The following ADGRE2 variants were observed in gnomAD, a reference collection of about 807,000 sequenced individuals.
ADGRE2 encodes CD97 antigen.
Under a neutral mutation model 100.8 loss-of-function variants are expected in ADGRE2, and 83 were observed. That is an observed-to-expected ratio of 0.82 (90% CI 0.69 to 0.99). The LOEUF (loss-of-function observed/expected upper bound fraction) is 0.99. ADGRE2 is among the 50% of genes least tolerant of loss of function. The pLI is 0.00. For missense variants in ADGRE2, 814 were observed against 1,035.7 expected (o/e 0.79, Z 2.94); for synonymous variants, 355 against 413.0 (o/e 0.86, Z 1.70).
At chr19:14,766,874 G>T (rs922268487) in intron 6 of ADGRE2, 104 bp downstream of exon 6, 1 of 1,337,788 alleles carries the variant, frequency 7.5e-7, no homozygotes, top group Non-Finnish European at 1.0e-6. Flanking sequence ...GACCTTGTGG[G>T]AACCTGCGGA....
intron 14 of ADGRE2, among the ~76,000 whole-genome samples, chr19:14,753,922 G>A (rs1353104336): frequency 6.6e-6 from 1 of 152,192 alleles, no homozygotes; most frequent in Non-Finnish European, 1.5e-5. Flanking sequence ...AACTTGATTG[G>A]ATTGAAGGAT....
chr19:14,731,385 T>C (rs918241364), downstream of ADGRE2: 2 of 598,656 alleles, frequency 3.3e-6, no homozygotes, highest in African/African-American at 3.7e-5. Flanking sequence ...TCCGGGAGCT[T>C]AGTCACATAC....
At chr19:14,743,380 G>T (rs758293688) in intron 20 of ADGRE2, 40 bp downstream of exon 20, 2 of 1,533,076 alleles carry the variant, frequency 1.3e-6, no homozygotes, top group Non-Finnish European at 1.8e-6. Flanking sequence ...CCTCAGGTGG[G>T]TCGGTTAGTG....
intron 2 of ADGRE2, among the ~76,000 whole-genome samples, chr19:14,776,010 C>T (rs2044424163): frequency 6.6e-6 from 1 of 152,096 alleles, no homozygotes. Context: ...ATATTTCACC[C>T]CGGGCGCCCC....
At chr19:14,769,666 G>A (rs1181335907) in intron 5 of ADGRE2, among the ~76,000 whole-genome samples, 3 of 152,046 alleles carry the variant, frequency 2.0e-5, no homozygotes, top group Non-Finnish European at 2.9e-5. Flanking sequence ...CTCAGTGTTG[G>A]CCTCTTTTCT....
intron 18 of ADGRE2, among the ~76,000 whole-genome samples, chr19:14,744,873 A>G (rs1040130083): frequency 5.3e-5 from 8 of 151,174 alleles, no homozygotes; most frequent in Admixed American, 2.6e-4. Flanking sequence ...GGGAACAGGC[A>G]AGAAAATGTA....
intron 18 of ADGRE2, among the ~76,000 whole-genome samples, chr19:14,744,381 A>G (rs1174654617): frequency 1.3e-5 from 2 of 152,276 alleles, no homozygotes; most frequent in Non-Finnish European, 2.9e-5. Context: ...AATCTAGAAG[A>G]AAGTTCATTA....
At chr19:14,756,946 T>C (rs2043521566) in intron 11 of ADGRE2, among the ~76,000 whole-genome samples, 1 of 151,920 alleles carries the variant, frequency 6.6e-6, no homozygotes, top group South Asian at 2.1e-4. Context: ...TTCTCACCTG[T>C]TGGTCAGGCT....
chr19:14,777,871 C>T lies in ADGRE2; in HGVS notation c.-172+386G>A, dbSNP rs566769561. 3.9e-5 allele frequency among the ~76,000 whole-genome samples: 6 copies of T among 152,304 alleles called. No individual in the cohort carries two copies. The South Asian group carries it at 1.2e-3, about 32-fold the overall frequency. On this transcript the variant is annotated intron_variant, in intron 1 of 20. Coordinates refer to ENST00000315576, the MANE Select transcript of ADGRE2 (RefSeq NM_013447.4). Reference sequence around the variant, plus strand: ...AGTATTCCCTGGTGTATATGTGCCACACTTTCTTAATCCAGTCTATCATTG... The same window carrying T: ...AGTATTCCCTGGTGTATATGTGCCATACTTTCTTAATCCAGTCTATCATTG...
chr19:14,733,547 G>A lies in ADGRE2; in HGVS notation c.*2689C>T, dbSNP rs1434818144. 6.6e-6 allele frequency: 1 copy of A among 151,918 alleles called. No individual in the cohort carries two copies. Among genetic ancestry groups the A allele is most frequent in the Non-Finnish European group, 1.5e-5 (1 of 67,988 alleles). 9.4% of individuals were successfully genotyped at this position (151,918 alleles called of 1,614,324 possible). A position where few individuals can be genotyped will look rare whatever the true frequency, so the allele number is the denominator to read the frequency against. ...GGTATGCCTACAGCTGCAGAAAAAT[G>A]TATAAAAGCAAACACACCACTCTCC... is the stretch of plus-strand genomic sequence containing the variant. On this transcript the variant is annotated 3_prime_UTR_variant, in exon 21 of 21. Coordinates refer to ENST00000315576, the MANE Select transcript of ADGRE2 (RefSeq NM_013447.4).
At chr19:14,731,526 C>A, downstream of ADGRE2, 1 of 296,528 alleles carries the variant, frequency 3.4e-6, no homozygotes, top group Non-Finnish European at 6.2e-6. Flanking sequence ...CACAGTGGAC[C>A]CCCACGGTGG....
At chr19:14,746,161 G>T in intron 18 of ADGRE2, 71 bp downstream of exon 18, 2 of 895,070 alleles carry the variant, frequency 2.2e-6, no homozygotes, top group Non-Finnish European at 1.8e-6. Context: ...CTCAGTGGCT[G>T]CTGAGGCACA....
intron 11 of ADGRE2, among the ~76,000 whole-genome samples, chr19:14,757,736 C>T (rs924230741): frequency 1.3e-5 from 2 of 152,180 alleles, no homozygotes; most frequent in African/African-American, 4.8e-5. Context: ...AGCTTAGAAG[C>T]TAAAACTAGA....
rs768322919 is a variant in ADGRE2, at chr19:14,755,775, GTCTCATGCAGAAGCATCTGCT to G, written c.1274_1294del (p.Lys425_Glu431del). 15 of 1,614,224 alleles carry G rather than the reference GTCTCATGCAGAAGCATCTGCT, an allele frequency of 9.3e-6. No individual in the cohort carries two copies. Among genetic ancestry groups the G allele is most frequent in the Non-Finnish European group, 1.3e-5 (15 of 1,180,038 alleles). The stretch of plus-strand genomic sequence containing the variant: ...GCCGTCCTGCAGCAAGCCCTGGTGT[GTCTCATGCAGAAGCATCTGCT>G]TCTCAGGTTCCAGGACCAGAGGGGC... On this transcript the variant is annotated inframe_deletion, in exon 13 of 21. Transcript: ENST00000315576.
At chr19:14,758,596 T>C (rs2043581930) in intron 11 of ADGRE2, among the ~76,000 whole-genome samples, 1 of 152,054 alleles carries the variant, frequency 6.6e-6, no homozygotes, top group Admixed American at 6.6e-5. Flanking sequence ...AAAAAAAGAA[T>C]AGCTCTGGCT....
At chr19:14,745,205 C>T (rs1017537631) in intron 18 of ADGRE2, among the ~76,000 whole-genome samples, 18 of 152,192 alleles carry the variant, frequency 1.2e-4, no homozygotes, top group East Asian at 3.9e-4. Context: ...CCACCATGCC[C>T]GGCCTTCTTT....
At chr19:14,731,736 GT>G (rs1372992108), downstream of ADGRE2, 2 of 152,294 alleles carry the variant, frequency 1.3e-5, no homozygotes, top group East Asian at 3.8e-4. Flanking sequence ...CTTAACTCTT[GT>G]TTATCTTTGG....
At chr19:14,760,831 G>A (rs2079605) in intron 11 of ADGRE2, among the ~76,000 whole-genome samples, 106,212 of 151,892 alleles carry the variant, frequency 0.7, 37,625 homozygotes, top group African/African-American at 0.8. Context: ...GCTTAATAAG[G>A]AACATTTACC....
chr19:14,751,935 T>A (rs969405231), intron 15 of ADGRE2, among the ~76,000 whole-genome samples: 321 of 47,852 alleles, frequency 6.7e-3, no homozygotes, highest in African/African-American at 0.025. Flanking sequence ...ATATATATTT[T>A]TTTTTTTTTT....
Sources: gnomAD v4.1 joint callset for allele counts (sites outside exome capture counted in the v4.1 genomes callset) on GRCh38, gnomAD v4.1.1 for gene constraint, MANE v1.5 for transcripts, NCBI Gene and HGNC (gene_info 2026-07-23, HGNC 2026-07-21) for gene names.